Variants in STIMATE observed in about 807,000 individuals in gnomAD.
STIMATE encodes STIM activating enhancer, also known as store-operated calcium entry regulator STIMATE.
A neutral mutation model predicts 36.7 loss-of-function variants in STIMATE; 15 were observed. The observed-to-expected ratio is 0.41, with a 90% CI of 0.27 to 0.63. STIMATE has a LOEUF of 0.63. Ranked by LOEUF, STIMATE falls within the 20% of genes least tolerant of loss-of-function variation. The pLI is 0.32. For missense variants in STIMATE, 305 were observed against 397.3 expected (o/e 0.77, Z 1.98); for synonymous variants, 163 against 162.3 (o/e 1.00, Z -0.03).
intron 1 of STIMATE, among the ~76,000 whole-genome samples, chr3:52,859,531 ATTTTTTT>A (rs563622429): frequency 0.063 from 1,189 of 18,874 alleles, 87 homozygotes; most frequent in African/African-American, 0.14. Context: ...AAAAAAAAAA[ATTTTTTT>A]TTTTTTTTTT....
At chr3:52,844,574 G>T (rs1252389425) in intron 5 of STIMATE, among the ~76,000 whole-genome samples, 1 of 152,276 alleles carries the variant, frequency 6.6e-6, no homozygotes, top group Non-Finnish European at 1.5e-5. Flanking sequence ...TCAGATGGTA[G>T]CAAGCCGAGG....
chr3:52,860,200 C>T (rs1313090881), intron 1 of STIMATE, among the ~76,000 whole-genome samples: 2 of 151,698 alleles, frequency 1.3e-5, no homozygotes, highest in African/African-American at 4.8e-5. Flanking sequence ...TGACAAGCCC[C>T]ATTCAGCAGG....
intron 4 of STIMATE, chr3:52,847,696 C>G (rs997864565): frequency 2.3e-5 from 12 of 527,338 alleles, no homozygotes; most frequent in South Asian, 1.6e-4. Context: ...TTGCCTACAT[C>G]CAAATCCCTG....
intron 1 of STIMATE, among the ~76,000 whole-genome samples, chr3:52,867,885 C>G (rs1248849486): frequency 1.3e-5 from 2 of 152,186 alleles, no homozygotes; most frequent in African/African-American, 4.8e-5. Context: ...GTCACCCGGG[C>G]CAAGCCTTTC....
intron 4 of STIMATE, among the ~76,000 whole-genome samples, chr3:52,849,380 G>A (rs541542880): frequency 1.3e-5 from 2 of 152,224 alleles, no homozygotes; most frequent in Non-Finnish European, 2.9e-5. Flanking sequence ...TTGCCACCTC[G>A]TTATTGAACA....
chr3:52,850,273 T>G (rs1242511005), intron 3 of STIMATE, among the ~76,000 whole-genome samples: 4 of 151,594 alleles, frequency 2.6e-5, no homozygotes, highest in Non-Finnish European at 5.9e-5. Context: ...CTACTGAAAA[T>G]ACAAAAAAAT....
intron 4 of STIMATE, among the ~76,000 whole-genome samples, chr3:52,849,401 A>G (rs1700960437): frequency 6.6e-6 from 1 of 152,218 alleles, no homozygotes; most frequent in African/African-American, 2.4e-5. Context: ...CCTTCGAAAA[A>G]TGAGAGCTGC....
At chr3:52,856,853 A>C (rs1298857047) in intron 1 of STIMATE, among the ~76,000 whole-genome samples, 2 of 152,198 alleles carry the variant, frequency 1.3e-5, no homozygotes, top group Non-Finnish European at 2.9e-5. Context: ...AGGAAATGAA[A>C]AGTTTTGAAG....
At chr3:52,845,522 G>T (rs932191476) in intron 4 of STIMATE, among the ~76,000 whole-genome samples, 1 of 152,192 alleles carries the variant, frequency 6.6e-6, no homozygotes, top group Admixed American at 6.5e-5. Context: ...TCCAGCATGG[G>T]TCACCCCAAA....
In STIMATE at chr3:52,840,341, G is replaced by T; in HGVS notation, c.*153C>A. On this transcript the variant is annotated 3_prime_UTR_variant, in exon 8 of 8. Transcript: ENST00000355083. ...TCCTCTTCCCTCTTTTTAAGTCACAGTAGTCTGGGGGCAGGCGAGAGCGGG... is the reference window on the plus strand; with the variant it reads ...TCCTCTTCCCTCTTTTTAAGTCACATTAGTCTGGGGGCAGGCGAGAGCGGG... 1.1e-6 allele frequency: 1 copy of T among 877,368 alleles called. No individual in the cohort carries two copies. The highest frequency in any genetic ancestry group is 1.7e-6 in the Non-Finnish European group (1 of 588,070). 54.3% of individuals were successfully genotyped at this position (877,368 alleles called of 1,614,324 possible).
chr3:52,842,754 C>A, intron 7 of STIMATE, 57 bp downstream of exon 7: 2 of 1,608,616 alleles, frequency 1.2e-6, no homozygotes, highest in East Asian at 2.2e-5. Context: ...AGACCAGAGA[C>A]CCCCTTGGGC....
chr3:52,839,444 G>T lies in STIMATE; in HGVS notation c.*1050C>A, dbSNP rs1042765024. ...CTCTGCAGACAGGCAGACTGCACAGGAGTCTGGTAGTCTTGGGTCCTCTGG... is the reference window on the plus strand; with the variant it reads ...CTCTGCAGACAGGCAGACTGCACAGTAGTCTGGTAGTCTTGGGTCCTCTGG... On this transcript the variant is annotated 3_prime_UTR_variant, in exon 8 of 8. Transcript: ENST00000355083. 6.6e-6 allele frequency: 1 copy of T among 152,244 alleles called. No homozygotes were observed. Among genetic ancestry groups the T allele is most frequent in the Non-Finnish European group, 1.5e-5 (1 of 68,048 alleles). The allele number at this position is 152,244 out of a possible 1,614,324, so 9.4% of individuals were successfully genotyped here.
intron 1 of STIMATE, among the ~76,000 whole-genome samples, chr3:52,887,993 A>ATTTTTTTTTT (rs1373427637): frequency 2.5e-4 from 5 of 19,898 alleles, no homozygotes; most frequent in South Asian, 2.4e-3. Context: ...TAACAGAATC[A>ATTTTTTTTTT]GTTTTTTTTT....
At chr3:52,867,571 C>G (rs1357116434) in intron 1 of STIMATE, among the ~76,000 whole-genome samples, 2 of 152,218 alleles carry the variant, frequency 1.3e-5, no homozygotes, top group African/African-American at 4.8e-5. Context: ...GCCCTCTGCC[C>G]CATGGCATGT....
At chr3:52,876,656 C>G (rs1285652939) in intron 1 of STIMATE, among the ~76,000 whole-genome samples, 1 of 152,176 alleles carries the variant, frequency 6.6e-6, no homozygotes, top group African/African-American at 2.4e-5. Flanking sequence ...TAATGAATAG[C>G]AGATACATTT....
rs779114178 is a variant in STIMATE, at chr3:52,842,849, A to G, written c.730T>C (p.Tyr244His). The change falls in exon 7 of 8, where the codon TAC becomes CAC. Residue 244 changes from tyrosine to histidine, a missense_variant. Transcript: ENST00000355083. ...QDSRNGSKVR[Y>H]RRAASHEESE... ...TCCTCGTGGGATGCGGCCCTCCGGTAGCGGACCTTGCTCCCATTCCTCGAG... is the reference window on the plus strand; with the variant it reads ...TCCTCGTGGGATGCGGCCCTCCGGTGGCGGACCTTGCTCCCATTCCTCGAG... 1.5e-5 allele frequency: 24 copies of G among 1,614,230 alleles called. No individual in the cohort carries two copies. The highest frequency in any genetic ancestry group is 1.9e-5 in the Non-Finnish European group (23 of 1,180,028).
At chr3:52,844,116 C>G (rs1247930245) in intron 5 of STIMATE, among the ~76,000 whole-genome samples, 1 of 152,108 alleles carries the variant, frequency 6.6e-6, no homozygotes, top group East Asian at 1.9e-4. Flanking sequence ...CTTCAGGGGG[C>G]TGGAGGGGTG....
intron 1 of STIMATE, among the ~76,000 whole-genome samples, chr3:52,872,316 T>C (rs1264564146): frequency 1.3e-5 from 2 of 152,232 alleles, no homozygotes; most frequent in African/African-American, 2.4e-5. Flanking sequence ...ACAGTATTTG[T>C]TGAACAAAGG....
intron 1 of STIMATE, among the ~76,000 whole-genome samples, chr3:52,887,994 G>GTTTTTTGTTTTT (rs1701717521): frequency 1.9e-5 from 1 of 52,694 alleles, no homozygotes; most frequent in African/African-American, 7.0e-5. Flanking sequence ...AACAGAATCA[G>GTTTTTTGTTTTT]TTTTTTTTTT....
Sources: allele counts gnomAD v4.1 joint callset (sites outside exome capture counted in the v4.1 genomes callset), GRCh38; gene constraint gnomAD v4.1.1; transcripts MANE v1.5; gene names NCBI Gene and HGNC (gene_info 2026-07-23, HGNC 2026-07-21).